The following ASIC2 variants were observed in gnomAD, a reference collection of about 807,000 sequenced individuals.
ASIC2 encodes the protein acid sensing ion channel subunit 2.
In ASIC2, 25 loss-of-function variants were observed where a neutral mutation model predicts 57.3. The ratio of observed to expected loss-of-function variants is 0.44; its 90% confidence interval spans 0.32 to 0.61. The LOEUF (loss-of-function observed/expected upper bound fraction) is 0.61. Among genes scored for constraint, ASIC2 ranks in the 20% least tolerant of loss-of-function variants. The probability of loss-of-function intolerance (pLI) is 0.06; values close to 1 mark genes in which losing one functional copy is unlikely to be tolerated. For synonymous variants in ASIC2, 319 were observed against 307.5 expected (o/e 1.04, Z -0.39); for missense variants, 641 against 738.1 (o/e 0.87, Z 1.52).
intron 1 of ASIC2, among the ~76,000 whole-genome samples, chr17:33,522,019 A>T (rs1205878200): frequency 6.6e-6 from 1 of 152,194 alleles, no homozygotes; most frequent in African/African-American, 2.4e-5. Flanking sequence ...CCTATGGGAT[A>T]GCTGAGCAAA....
intron 2 of ASIC2, among the ~76,000 whole-genome samples, chr17:33,101,304 TA>T (rs1459961537): frequency 6.6e-6 from 1 of 152,246 alleles, no homozygotes; most frequent in African/African-American, 2.4e-5. Flanking sequence ...GCCTTCCAGC[TA>T]TGCTAAAAAT....
intron 1 of ASIC2, among the ~76,000 whole-genome samples, chr17:33,590,984 A>C (rs1019985714): frequency 1.3e-5 from 2 of 152,200 alleles, no homozygotes; most frequent in Non-Finnish European, 2.9e-5. Flanking sequence ...AGCCCAAGAC[A>C]TGGGGTCTTA....
intron 1 of ASIC2, among the ~76,000 whole-genome samples, chr17:34,052,737 C>T (rs1908617053): frequency 6.6e-6 from 1 of 151,850 alleles, no homozygotes; most frequent in South Asian, 2.1e-4. Flanking sequence ...CTGCCTTAGT[C>T]TCCCAAGTAG....
At chr17:34,016,111 T>C (rs1054832791) in intron 1 of ASIC2, among the ~76,000 whole-genome samples, 2 of 152,210 alleles carry the variant, frequency 1.3e-5, no homozygotes, top group Admixed American at 6.5e-5. Flanking sequence ...CTCATATGTA[T>C]ATTCAGGATT....
At chr17:34,047,929 G>T (rs1473248032) in intron 1 of ASIC2, among the ~76,000 whole-genome samples, 1 of 152,194 alleles carries the variant, frequency 6.6e-6, no homozygotes, top group African/African-American at 2.4e-5. Flanking sequence ...TGCCAGGTCA[G>T]AAGGAAACAT....
chr17:33,239,390 G>A (rs967580779), intron 1 of ASIC2, among the ~76,000 whole-genome samples: 5 of 152,036 alleles, frequency 3.3e-5, no homozygotes, highest in East Asian at 1.9e-4. Context: ...CATTTCCTGC[G>A]TTTGTTTTCT....
intron 2 of ASIC2, among the ~76,000 whole-genome samples, chr17:33,111,316 G>C (rs1203798775): frequency 1.3e-5 from 2 of 152,218 alleles, no homozygotes; most frequent in Non-Finnish European, 2.9e-5. Context: ...TGGGTGCAAA[G>C]CCTGAGATAG....
chr17:34,084,016 C>A (rs1205271170), intron 1 of ASIC2, among the ~76,000 whole-genome samples: 4 of 151,960 alleles, frequency 2.6e-5, no homozygotes, highest in African/African-American at 4.8e-5. Context: ...TGCAGAAGCT[C>A]TTTAGTTTAA....
intron 1 of ASIC2, among the ~76,000 whole-genome samples, chr17:33,263,367 G>A (rs546693749): frequency 4.6e-5 from 7 of 152,346 alleles, no homozygotes; most frequent in African/African-American, 1.7e-4. Context: ...GGCTGCAATT[G>A]TGGGTTTTTT....
In ASIC2 at chr17:33,870,138, G is replaced by A. The variant is rs1207837225; in HGVS notation, c.555+285840C>T. ...TCTAATTGATACCACATTAGAAACC[G>A]TAATAGATGCTTCAGATAAAAAATT... On this transcript the variant is annotated intron_variant, in intron 1 of 9. Transcript: ENST00000359872. 4.0e-5 allele frequency among the ~76,000 whole-genome samples: 6 copies of A among 148,984 alleles called. No individual in the cohort carries two copies. The South Asian group carries it at 1.1e-3, about 27-fold the overall frequency.
chr17:33,619,471 G>C (rs1018179330), intron 1 of ASIC2, among the ~76,000 whole-genome samples: 1 of 152,176 alleles, frequency 6.6e-6, no homozygotes, highest in Non-Finnish European at 1.5e-5. Flanking sequence ...AATAGAAAAG[G>C]ATTCAAGGGT....
At chr17:34,116,399 C>G (rs1044612739) in intron 1 of ASIC2, among the ~76,000 whole-genome samples, 2 of 152,144 alleles carry the variant, frequency 1.3e-5, no homozygotes, top group Non-Finnish European at 2.9e-5. Flanking sequence ...TTTTTGCACT[C>G]TCCCATGTGA....
At chr17:34,123,991 A>G (rs1174771935) in intron 1 of ASIC2, among the ~76,000 whole-genome samples, 1 of 152,220 alleles carries the variant, frequency 6.6e-6, no homozygotes, top group Non-Finnish European at 1.5e-5. Flanking sequence ...CTGACACAGG[A>G]GAATCACTTA....
At chr17:33,960,351 AT>A (rs769846367) in intron 1 of ASIC2, among the ~76,000 whole-genome samples, 10 of 152,140 alleles carry the variant, frequency 6.6e-5, no homozygotes, top group Non-Finnish European at 1.0e-4. Flanking sequence ...GCACCAATAC[AT>A]TTCCTTTCTC....
intron 1 of ASIC2, among the ~76,000 whole-genome samples, chr17:33,398,288 T>C (rs899871273): frequency 4.6e-5 from 7 of 152,202 alleles, no homozygotes; most frequent in Non-Finnish European, 8.8e-5. Context: ...ATATAGCAGG[T>C]GCCCACTAAA....
chr17:34,014,435 G>A (rs748295124), intron 1 of ASIC2, among the ~76,000 whole-genome samples: 3 of 152,156 alleles, frequency 2.0e-5, no homozygotes, highest in Admixed American at 6.5e-5. Flanking sequence ...TCAGGAGCTC[G>A]AGACATTGGC....
chr17:33,538,406 G>A (rs1486282014), intron 1 of ASIC2, among the ~76,000 whole-genome samples: 1 of 152,136 alleles, frequency 6.6e-6, no homozygotes, highest in African/African-American at 2.4e-5. Context: ...TCCACAATGG[G>A]ATCCCCAATT....
intron 1 of ASIC2, among the ~76,000 whole-genome samples, chr17:34,116,636 G>GCT (rs1911431126): frequency 6.6e-6 from 1 of 152,002 alleles, no homozygotes; most frequent in Admixed American, 6.6e-5. Context: ...GCTTCTGCCT[G>GCT]CTCTCTCTCT....
In ASIC2 at chr17:33,579,209, C is replaced by T. The variant is rs951249566; in HGVS notation, c.556-467142G>A. ...GCTGAGGCAGGAGAATCGCTTGAAC[C>T]CGGGAGGCAGAGGTTGCAGTGAGCC... is the stretch of plus-strand genomic sequence containing the variant. On this transcript the variant is annotated intron_variant, in intron 1 of 9. Coordinates refer to the ASIC2 transcript ENST00000359872. Among the ~76,000 whole-genome samples the T allele has an allele frequency of 2.7e-5, 4 of 149,544 alleles. No homozygotes were observed. The South Asian group carries it at 8.5e-4, about 32-fold the overall frequency.
Sources: gnomAD v4.1 joint callset for allele counts (sites outside exome capture counted in the v4.1 genomes callset) on GRCh38, gnomAD v4.1.1 for gene constraint, MANE v1.5 for transcripts, NCBI Gene and HGNC (gene_info 2026-07-23, HGNC 2026-07-21) for gene names.